The following TM4SF18 variants were observed in gnomAD, a reference collection of about 807,000 sequenced individuals.
TM4SF18 encodes transmembrane 4 L six family member 18, also known as transmembrane 4 L6 family member 18.
Under a neutral mutation model 23.8 loss-of-function variants are expected in TM4SF18, and 22 were observed. That is an observed-to-expected ratio of 0.92 (90% CI 0.66 to 1.32). The LOEUF (loss-of-function observed/expected upper bound fraction) is 1.32, where lower values mean the gene tolerates loss of function less well. Ranked by LOEUF, TM4SF18 falls within the 40% of genes most tolerant of loss-of-function variation. The probability of loss-of-function intolerance (pLI) is 0.00; values close to 1 mark genes in which losing one functional copy is unlikely to be tolerated. For missense variants in TM4SF18, 255 were observed against 240.3 expected, an observed-to-expected ratio of 1.06 and a Z score of -0.41; for synonymous variants, 87 against 87.9, an observed-to-expected ratio of 0.99 and a Z score of 0.06.
Position 149,330,475 on chromosome 3 carries a change from T to C in TM4SF18, c.178-56A>G, listed in dbSNP as rs1282806284. On this transcript the variant is annotated intron_variant, in intron 2 of 5. Coordinates refer to ENST00000296059, the MANE Select transcript of TM4SF18 (RefSeq NM_138786.4). Reference sequence around the variant, plus strand: ...ATGAAATGCTAGTTTACATTTGTGCTTATAATCAGAGGACAGCGTCTTCAA... The same window carrying C: ...ATGAAATGCTAGTTTACATTTGTGCCTATAATCAGAGGACAGCGTCTTCAA... 4 of 1,246,262 alleles carry C rather than the reference T, an allele frequency of 3.2e-6. No individual in the cohort carries two copies. The East Asian group carries it at 7.1e-5, about 22-fold the overall frequency. 77.2% of individuals were successfully genotyped at this position (1,246,262 alleles called of 1,614,324 possible).
intron 4 of TM4SF18, among the ~76,000 whole-genome samples, chr3:149,323,080 A>G (rs1730852065): frequency 6.6e-6 from 1 of 151,874 alleles, no homozygotes. Flanking sequence ...GTATTTTTTT[A>G]GTAGAGACGG....
rs1730801642 is a variant in TM4SF18 at position 149,321,362 on chromosome 3, A to G, written c.*116T>C. 2.6e-6 allele frequency: 2 copies of G among 766,800 alleles called. No individual in the cohort carries two copies. The highest frequency in any genetic ancestry group is 2.5e-4 in the Middle Eastern group (1 of 3,998). The allele number at this position is 766,800 out of a possible 1,614,324, so 47.5% of individuals were successfully genotyped here. On this transcript the variant is annotated 3_prime_UTR_variant, in exon 6 of 6. Coordinates refer to ENST00000296059, the MANE Select transcript of TM4SF18 (RefSeq NM_138786.4). ...AGTGAGGACTGCAAATTTTTTACAAATAAACACCAAATGCAGAAAGCACCA... is the reference window on the plus strand; with the variant it reads ...AGTGAGGACTGCAAATTTTTTACAAGTAAACACCAAATGCAGAAAGCACCA...
chr3:149,333,314 G>T lies in TM4SF18; in HGVS notation c.69C>A (p.Ile23=). 6.2e-7 allele frequency: 1 copy of T among 1,613,746 alleles called. No homozygotes were observed. Among genetic ancestry groups the T allele is most frequent in the East Asian group, 2.2e-5 (1 of 44,870 alleles). ...LLIPLALWSI[I]VNILLYFPNG... Reference sequence around the variant, plus strand: ...TCGGGAAATACAATAATATGTTCACGATTATACTCCAAAGTGCAAGCGGAA... The same window carrying T: ...TCGGGAAATACAATAATATGTTCACTATTATACTCCAAAGTGCAAGCGGAA... The change falls in exon 2 of 6, where the codon ATC becomes ATA. Residue 23 remains isoleucine, a synonymous_variant. Transcript: ENST00000296059.
At chr3:149,327,052 C>T (rs1730965451) in intron 3 of TM4SF18, among the ~76,000 whole-genome samples, 1 of 152,148 alleles carries the variant, frequency 6.6e-6, no homozygotes, top group Non-Finnish European at 1.5e-5. Context: ...TGGGTTCAAA[C>T]GATTCTCCTG....
chr3:149,328,927 G>C (rs1391758875), intron 3 of TM4SF18, among the ~76,000 whole-genome samples: 1 of 152,108 alleles, frequency 6.6e-6, no homozygotes, highest in Non-Finnish European at 1.5e-5. Flanking sequence ...ACCCTTTTCA[G>C]ACTATTTCTA....
rs1731138017 is a variant in TM4SF18 at position 149,333,468 on chromosome 3, T to TC, written c.-18+44_-18+45insG. 9.1e-5 allele frequency: 38 copies of TC among 416,702 alleles called. No individual in the cohort carries two copies. In the South Asian group the frequency reaches 1.1e-3, roughly 12 times the overall value. 25.8% of individuals were successfully genotyped at this position (416,702 alleles called of 1,614,324 possible). On this transcript the variant is annotated intron_variant, in intron 1 of 5. Transcript: ENST00000296059. ...TTCTTCTTCCTACCTGACCTTTTTTTTCTCTCTCTCTCTCTTTTTTTTTTT... is the reference window on the plus strand; with the variant it reads ...TTCTTCTTCCTACCTGACCTTTTTTTCTCTCTCTCTCTCTCTTTTTTTTTTT...
At chr3:149,329,022 A>G (rs1731018400) in intron 3 of TM4SF18, among the ~76,000 whole-genome samples, 1 of 152,114 alleles carries the variant, frequency 6.6e-6, no homozygotes, top group Non-Finnish European at 1.5e-5. Context: ...TATCACATAT[A>G]TTTGTTTTCT....
Position 149,333,562 on chromosome 3 carries a change from A to C in TM4SF18, c.-67T>G. 1 of 452,690 alleles carries C rather than the reference A, an allele frequency of 2.2e-6. No homozygotes were observed. The highest frequency in any genetic ancestry group is 3.8e-6 in the Non-Finnish European group (1 of 265,430). 28.0% of individuals were successfully genotyped at this position (452,690 alleles called of 1,614,324 possible). On this transcript the variant is annotated 5_prime_UTR_variant, in exon 1 of 6. Transcript: ENST00000296059. ...CTTCATATTCATGAGGAGACGGGGA[A>C]TTGGAATATACCCGCAGCCGACAAT...
intron 2 of TM4SF18, among the ~76,000 whole-genome samples, chr3:149,332,659 T>C (rs1430710557): frequency 6.6e-6 from 1 of 152,182 alleles, no homozygotes; most frequent in Non-Finnish European, 1.5e-5. Flanking sequence ...ATATATATTT[T>C]ATCTTTAAAA....
intron 3 of TM4SF18, among the ~76,000 whole-genome samples, chr3:149,325,887 T>C (rs547701139): frequency 1.1e-4 from 16 of 152,332 alleles, no homozygotes; most frequent in Non-Finnish European, 1.8e-4. Flanking sequence ...AACCCCTACA[T>C]ATCCTTTATC....
rs765949536 is a variant in TM4SF18, at chr3:149,318,684, G to A, written c.*2794C>T. 6 of 152,080 alleles carry A rather than the reference G, an allele frequency of 3.9e-5. No homozygotes were observed. Among genetic ancestry groups the A allele is most frequent in the Admixed American group, 6.5e-5 (1 of 15,274 alleles). 9.4% of individuals were successfully genotyped at this position (152,080 alleles called of 1,614,324 possible). A position where few individuals can be genotyped will look rare whatever the true frequency, so the allele number is the denominator to read the frequency against. ...TTCTTTTTTCAGCCTATAGCATCTG[G>A]TCTCCCATCCAAGTAATAACCTGGA... On this transcript the variant is annotated 3_prime_UTR_variant, in exon 6 of 6. Transcript: ENST00000296059.
At position 149,320,431 on chromosome 3, in the gene TM4SF18, T is replaced by C. The variant is rs1486940619; in HGVS notation, c.*1047A>G. On this transcript the variant is annotated 3_prime_UTR_variant, in exon 6 of 6. Coordinates refer to ENST00000296059, the MANE Select transcript of TM4SF18 (RefSeq NM_138786.4). ...TTACTTTAAAAATAAATATAGGTAC[T>C]GGTAACTCCCCCTGACACAGGTATT... 2 of 152,220 alleles carry C rather than the reference T, an allele frequency of 1.3e-5. No individual in the cohort carries two copies. Among genetic ancestry groups the C allele is most frequent in the African/African-American group, 4.8e-5 (2 of 41,464 alleles). 9.4% of individuals were successfully genotyped at this position (152,220 alleles called of 1,614,324 possible).
In TM4SF18 at chr3:149,330,418, A is replaced by T. The variant is rs765110597; in HGVS notation, c.179T>A (p.Met60Lys). ...FEGICFSGIMMLIVTTVLLVL... is the reference protein window; with the variant it reads ...FEGICFSGIMKLIVTTVLLVL... ...CAGAAGAACTGTTGTTACTATAAGC[A>T]TCTATAGGAGGGAAGACATAAAATG... The change falls in exon 3 of 6, where the codon ATG becomes AAG. Residue 60 changes from methionine (M) to lysine (K), a missense_variant and splice_region_variant. By Grantham distance (95) the Met-to-Lys change is moderately conservative. Coordinates refer to ENST00000296059, the MANE Select transcript of TM4SF18 (RefSeq NM_138786.4). 6.3e-7 allele frequency: 1 copy of T among 1,587,116 alleles called. No individual in the cohort carries two copies.
In TM4SF18 at chr3:149,320,734, A is replaced by C. The variant is rs1446915546; in HGVS notation, c.*744T>G. The C allele has an allele frequency of 6.6e-6, 1 of 152,222 alleles. No homozygotes were observed. Among genetic ancestry groups the C allele is most frequent in the Admixed American group, 6.5e-5 (1 of 15,284 alleles). The allele number at this position is 152,222 out of a possible 1,614,324, so 9.4% of individuals were successfully genotyped here. ...GCCTTAAAGTTTGGAAAAATAAAAA[A>C]ATTTTAATAGTGAAAATATGAGTTT... On this transcript the variant is annotated 3_prime_UTR_variant, in exon 6 of 6. Coordinates refer to ENST00000296059, the MANE Select transcript of TM4SF18 (RefSeq NM_138786.4).
chr3:149,333,375 G>C lies in TM4SF18; in HGVS notation c.8C>G (p.Ser3Cys), dbSNP rs1731134140. The C allele has an allele frequency of 1.9e-6, 3 of 1,610,844 alleles. No individual in the cohort carries two copies. The Admixed American group carries it at 5.0e-5, about 27-fold the overall frequency. MGSRKCGGCLSCL... is the reference protein window; with the variant it reads MGCRKCGGCLSCL... The stretch of plus-strand genomic sequence containing the variant: ...ACTTAGGCAGCCTCCACACTTCCGA[G>C]ACCCCATTTTGCCCTGCTTAGAACC... The change falls in exon 2 of 6, where the codon TCT becomes TGT. Residue 3 changes from serine to cysteine, a missense_variant. Ser to Cys is a moderately radical substitution (Grantham distance 112). Transcript: ENST00000296059.
Position 149,318,703 on chromosome 3 carries a change from A to T in TM4SF18, c.*2775T>A, listed in dbSNP as rs1730728631. 1.3e-5 allele frequency: 2 copies of T among 152,156 alleles called. No homozygotes were observed. Among genetic ancestry groups the T allele is most frequent in the South Asian group, 4.1e-4 (2 of 4,826 alleles). The allele number at this position is 152,156 out of a possible 1,614,324, so 9.4% of individuals were successfully genotyped here. A position where few individuals can be genotyped will look rare whatever the true frequency, so the allele number is the denominator to read the frequency against. On this transcript the variant is annotated 3_prime_UTR_variant, in exon 6 of 6. Coordinates refer to ENST00000296059, the MANE Select transcript of TM4SF18 (RefSeq NM_138786.4). Reference sequence around the variant, plus strand: ...CATCTGGTCTCCCATCCAAGTAATAACCTGGATCAATCCTGCTTAAGTTTC... The same window carrying T: ...CATCTGGTCTCCCATCCAAGTAATATCCTGGATCAATCCTGCTTAAGTTTC...
chr3:149,330,480 A>G, intron 2 of TM4SF18, 61 bp from the exon 3 acceptor site: 1 of 1,157,310 alleles, frequency 8.6e-7, no homozygotes, highest in Non-Finnish European at 1.3e-6. Context: ...TGTGCTTATA[A>G]TCAGAGGACA....
Position 149,333,335 on chromosome 3 carries a change from C to G in TM4SF18, c.48G>C (p.Pro16=). The G allele has an allele frequency of 6.2e-7, 1 of 1,613,488 alleles. No homozygotes were observed. The highest frequency in any genetic ancestry group is 8.5e-7 in the Non-Finnish European group (1 of 1,179,760). ...TCACGATTATACTCCAAAGTGCAAGCGGAATCAGCAAACAACTTAGGCAGC... is the reference window on the plus strand; with the variant it reads ...TCACGATTATACTCCAAAGTGCAAGGGGAATCAGCAAACAACTTAGGCAGC... ...CGGCLSCLLI[P]LALWSIIVNI... is the part of the protein sequence containing the mutation. The change falls in exon 2 of 6, where the codon CCG becomes CCC. Residue 16 remains proline (P), a synonymous_variant. Coordinates refer to ENST00000296059, the MANE Select transcript of TM4SF18 (RefSeq NM_138786.4).
intron 4 of TM4SF18, among the ~76,000 whole-genome samples, chr3:149,324,096 TC>T (rs1730875489): frequency 6.6e-6 from 1 of 152,160 alleles, no homozygotes; most frequent in South Asian, 2.1e-4. Flanking sequence ...GTACAGACAT[TC>T]CCTCATTTTA....
Sources: gnomAD v4.1 joint callset for allele counts (sites outside exome capture counted in the v4.1 genomes callset) on GRCh38, gnomAD v4.1.1 for gene constraint, MANE v1.5 for transcripts, NCBI Gene and HGNC (gene_info 2026-07-23, HGNC 2026-07-21) for gene names.